The following KMT5A variants were observed in gnomAD, a reference collection of about 807,000 sequenced individuals.
KMT5A encodes N-lysine methyltransferase KMT5A.
In KMT5A, 6 loss-of-function variants were observed where a neutral mutation model predicts 40.6. That is an observed-to-expected ratio of 0.15 (90% CI 0.08 to 0.29). The LOEUF is 0.29. Ranked by LOEUF, KMT5A falls within the 10% of genes least tolerant of loss-of-function variation. The probability of loss-of-function intolerance (pLI) is 1.00; values close to 1 mark genes in which losing one functional copy is unlikely to be tolerated. For missense variants in KMT5A, 308 were observed against 459.1 expected, an observed-to-expected ratio of 0.67 and a Z score of 3.01; for synonymous variants, 153 against 178.8, an observed-to-expected ratio of 0.86 and a Z score of 1.15.
intron 5 of KMT5A, among the ~76,000 whole-genome samples, chr12:123,399,442 G>T (rs537493856): frequency 5.9e-5 from 9 of 152,172 alleles, no homozygotes; most frequent in African/African-American, 1.2e-4. Context: ...TTCCCTCTGC[G>T]CATCTCCTAC....
intron 5 of KMT5A, 53 bp from the exon 6 acceptor site, chr12:123,403,520 C>T: frequency 6.3e-7 from 1 of 1,599,064 alleles, no homozygotes. Context: ...TCAAGCTACG[C>T]ACGATGGGCC....
chr12:123,406,718 G>A (rs1878581621), intron 7 of KMT5A, among the ~76,000 whole-genome samples: 1 of 152,026 alleles, frequency 6.6e-6, no homozygotes. Flanking sequence ...CCCAGGGCCT[G>A]TGCAGGCTCT....
At chr12:123,391,670 C>G (rs1877327467) in intron 3 of KMT5A, among the ~76,000 whole-genome samples, 1 of 152,232 alleles carries the variant, frequency 6.6e-6, no homozygotes, top group African/African-American at 2.4e-5. Context: ...TTGCTCTAAT[C>G]CAAATATTCC....
chr12:123,403,162 C>T (rs538643479), intron 5 of KMT5A, among the ~76,000 whole-genome samples: 17 of 152,360 alleles, frequency 1.1e-4, no homozygotes, highest in African/African-American at 3.8e-4. Flanking sequence ...CTCGGCCTCC[C>T]GAAGTGTTGC....
chr12:123,399,394 C>G (rs775778933), intron 5 of KMT5A, among the ~76,000 whole-genome samples: 4 of 152,262 alleles, frequency 2.6e-5, no homozygotes, highest in Non-Finnish European at 5.9e-5. Flanking sequence ...GACTCAGCCT[C>G]CCTGGCTTTG....
intron 7 of KMT5A, among the ~76,000 whole-genome samples, chr12:123,406,840 A>C (rs1878589142): frequency 6.6e-6 from 1 of 151,822 alleles, no homozygotes; most frequent in African/African-American, 2.4e-5. Context: ...AACATGGCAA[A>C]ACCCCATCTC....
At chr12:123,401,694 G>T (rs1347728202) in intron 5 of KMT5A, among the ~76,000 whole-genome samples, 1 of 151,448 alleles carries the variant, frequency 6.6e-6, no homozygotes, top group Non-Finnish European at 1.5e-5. Context: ...CGATTCTCCT[G>T]CCTCAGCCTC....
At chr12:123,392,164 CT>C (rs979240377) in intron 3 of KMT5A, among the ~76,000 whole-genome samples, 8 of 152,192 alleles carry the variant, frequency 5.3e-5, no homozygotes, top group African/African-American at 1.9e-4. Flanking sequence ...CTCTTCACCC[CT>C]GGACTGCCAG....
intron 1 of KMT5A, 88 bp from the exon 2 acceptor site, chr12:123,389,345 C>T (rs945814935): frequency 5.8e-6 from 5 of 863,596 alleles, no homozygotes; most frequent in African/African-American, 1.9e-5. Flanking sequence ...GAGGCGCCGT[C>T]GCGGCGCCCG....
At position 123,389,463 on chromosome 12, in the gene KMT5A, AGGCGGCGGC is replaced by A. The variant is rs780061449; in HGVS notation, c.56_64del (p.Ala19_Ala21del). 34 of 1,092,234 alleles carry A rather than the reference AGGCGGCGGC, an allele frequency of 3.1e-5. No homozygotes were observed. The highest frequency in any genetic ancestry group is 4.1e-4 in the Middle Eastern group (1 of 2,424). The allele number at this position is 1,092,234 out of a possible 1,614,324, so 67.7% of individuals were successfully genotyped here. Reference sequence around the variant, plus strand: ...AAGATGTCCAAGCCCCGCGCGGTGGAGGCGGCGGCGGCGGCGGCGGCGGTGGCAGCGACG... The same window carrying A: ...AAGATGTCCAAGCCCCGCGCGGTGGAGGCGGCGGCGGCGGTGGCAGCGACG... On this transcript the variant is annotated inframe_deletion, in exon 2 of 8. Coordinates refer to ENST00000402868, the MANE Select transcript of KMT5A (RefSeq NM_020382.7).
chr12:123,394,412 A>T (rs1409906415), intron 3 of KMT5A, among the ~76,000 whole-genome samples: 3 of 151,880 alleles, frequency 2.0e-5, no homozygotes, highest in African/African-American at 7.3e-5. Context: ...CTATTTACTT[A>T]GTTATTTAAA....
At chr12:123,392,432 A>T (rs770195890) in intron 3 of KMT5A, among the ~76,000 whole-genome samples, 6 of 152,208 alleles carry the variant, frequency 3.9e-5, no homozygotes, top group African/African-American at 1.4e-4. Context: ...CCAAGGCAGG[A>T]GGATTGCTTG....
In KMT5A at chr12:123,391,239, G is replaced by A. The variant is rs189932586; in HGVS notation, c.289+453G>A. On this transcript the variant is annotated intron_variant, in intron 3 of 7. Coordinates refer to ENST00000402868, the MANE Select transcript of KMT5A (RefSeq NM_020382.7). ...GACGGATTTCCGCTCTCGTCCCTCA[G>A]GCTGAAGTGCAATGGCACGATCTCA... 3 of 159,320 alleles carry A rather than the reference G, an allele frequency of 1.9e-5. No individual in the cohort carries two copies. In the East Asian group the frequency reaches 5.5e-4, roughly 29 times the overall value. 9.9% of individuals were successfully genotyped at this position (159,320 alleles called of 1,614,324 possible). A position where few individuals can be genotyped will look rare whatever the true frequency, so the allele number is the denominator to read the frequency against.
rs1471733866 is a variant in KMT5A at position 123,407,971 on chromosome 12, G to A, written c.*268G>A. On this transcript the variant is annotated 3_prime_UTR_variant, in exon 8 of 8. Transcript: ENST00000402868. ...TTTTTTGCATACAAGCCGAACGTTT[G>A]TGCTTCCCGTGCATGCAGTCAAAGA... 4.8e-6 allele frequency: 2 copies of A among 414,780 alleles called. No individual in the cohort carries two copies. Among genetic ancestry groups the A allele is most frequent in the South Asian group, 2.6e-5 (1 of 38,116 alleles). 25.7% of individuals were successfully genotyped at this position (414,780 alleles called of 1,614,324 possible). A position where few individuals can be genotyped will look rare whatever the true frequency, so the allele number is the denominator to read the frequency against.
chr12:123,399,082 C>T (rs891560607), intron 5 of KMT5A, among the ~76,000 whole-genome samples: 10 of 152,250 alleles, frequency 6.6e-5, no homozygotes, highest in African/African-American at 1.2e-4. Flanking sequence ...GCCCCTTGGC[C>T]GGCCAGCCTG....
intron 1 of KMT5A, chr12:123,388,446 T>G (rs1876999544): frequency 6.6e-6 from 1 of 152,276 alleles, no homozygotes; most frequent in African/African-American, 2.4e-5. Context: ...CCCCAGGGCT[T>G]CCTACCGGTC....
chr12:123,403,641 CTGCTGTGCT>C lies in KMT5A; in HGVS notation c.657+15_657+23del, dbSNP rs1566082026. On this transcript the variant is annotated intron_variant, in intron 6 of 7. Coordinates refer to ENST00000402868, the MANE Select transcript of KMT5A (RefSeq NM_020382.7). ...AGGAAGAAGGAATGAAGGTAAGGGGCTGCTGTGCTTGCTGCATCATAGCTAAAGCTGGAA... is the reference window on the plus strand; with the variant it reads ...AGGAAGAAGGAATGAAGGTAAGGGGCTGCTGCATCATAGCTAAAGCTGGAA... The C allele has an allele frequency of 1.2e-6, 2 of 1,614,156 alleles. No homozygotes were observed. The highest frequency in any genetic ancestry group is 1.7e-6 in the Non-Finnish European group (2 of 1,179,978).
chr12:123,403,937 A>G (rs1878357008), intron 6 of KMT5A, among the ~76,000 whole-genome samples: 1 of 152,012 alleles, frequency 6.6e-6, no homozygotes, highest in African/African-American at 2.4e-5. Context: ...ATCCCTGTCT[A>G]ATTTCAGAAT....
chr12:123,407,467 C>G (rs1217397559), intron 7 of KMT5A, 26 bp from the exon 8 acceptor site: 2 of 1,610,372 alleles, frequency 1.2e-6, no homozygotes, highest in African/African-American at 2.7e-5. Flanking sequence ...TCCATTTAAT[C>G]CTCTCTGGCC....
Sources: gnomAD v4.1 joint callset for allele counts (sites outside exome capture counted in the v4.1 genomes callset) on GRCh38, gnomAD v4.1.1 for gene constraint, MANE v1.5 for transcripts, NCBI Gene and HGNC (gene_info 2026-07-23, HGNC 2026-07-21) for gene names.